The following RIMS1 variants were observed in gnomAD, a reference collection of about 807,000 sequenced individuals.
RIMS1 encodes regulating synaptic membrane exocytosis 1, also known as regulating synaptic membrane exocytosis protein 1.
RIMS1 carries 83 observed loss-of-function variants against 214.1 expected under a neutral mutation model. The ratio of observed to expected loss-of-function variants is 0.39; its 90% CI spans 0.32 to 0.47. The LOEUF (loss-of-function observed/expected upper bound fraction) is 0.47. RIMS1 is among the 20% of genes least tolerant of loss of function. The probability of loss-of-function intolerance (pLI) is 0.99; values close to 1 mark genes in which losing one functional copy is unlikely to be tolerated. For synonymous variants in RIMS1, 793 were observed against 786.8 expected, an observed-to-expected ratio of 1.01 and a Z score of -0.13; for missense variants, 2,050 against 2,161.8, an observed-to-expected ratio of 0.95 and a Z score of 1.03.
At chr6:72,126,121 A>G (rs1170815850) in intron 4 of RIMS1, among the ~76,000 whole-genome samples, 2 of 151,852 alleles carry the variant, frequency 1.3e-5, no homozygotes, top group South Asian at 2.1e-4. Flanking sequence ...CCATCTTGGA[A>G]CTCCTCAGCC....
intron 29 of RIMS1, among the ~76,000 whole-genome samples, chr6:72,360,972 T>G (rs1201564996): frequency 6.7e-6 from 1 of 150,118 alleles, no homozygotes; most frequent in East Asian, 1.9e-4. Flanking sequence ...ACCTTCATAT[T>G]ATTCTCAGGA....
At chr6:72,009,332 G>A (rs1261025647) in intron 2 of RIMS1, among the ~76,000 whole-genome samples, 4 of 152,190 alleles carry the variant, frequency 2.6e-5, no homozygotes, top group Non-Finnish European at 5.9e-5. Context: ...GCAGTGTGTA[G>A]AGGGAAATTT....
Position 72,144,446 on chromosome 6 carries a change from G to A in RIMS1, c.472-35129G>A, listed in dbSNP as rs79608799. On this transcript the variant is annotated intron_variant, in intron 4 of 33. Transcript: ENST00000521978. Reference sequence around the variant, plus strand: ...GTCACTTTGCCCGCTGGGGTCCTCCGTGAAGAGACATGTATCAAGACGTAG... The same window carrying A: ...GTCACTTTGCCCGCTGGGGTCCTCCATGAAGAGACATGTATCAAGACGTAG... Among the ~76,000 whole-genome samples the A allele has an allele frequency of 2.7e-3, 412 of 152,218 alleles. 1 individual carries two copies. Among genetic ancestry groups the A allele is most frequent in the Middle Eastern group, 0.02 (6 of 294 alleles).
intron 1 of RIMS1, among the ~76,000 whole-genome samples, chr6:71,940,458 A>G (rs1213520611): frequency 1.3e-5 from 2 of 152,166 alleles, no homozygotes; most frequent in Admixed American, 6.5e-5. Context: ...TACCAATCTC[A>G]TGGAATGGGT....
At chr6:72,369,447 C>A (rs911830098) in intron 29 of RIMS1, among the ~76,000 whole-genome samples, 1 of 151,958 alleles carries the variant, frequency 6.6e-6, no homozygotes, top group South Asian at 2.1e-4. Flanking sequence ...CAAGAAACTG[C>A]CTTATATGAC....
At chr6:72,302,823 A>T (rs1323767095) in intron 26 of RIMS1, among the ~76,000 whole-genome samples, 2 of 151,402 alleles carry the variant, frequency 1.3e-5, no homozygotes, top group Non-Finnish European at 3.0e-5. Flanking sequence ...TTTTACATTA[A>T]TATATTTAAT....
chr6:72,337,612 T>C lies in RIMS1; in HGVS notation c.4366+3777T>C, dbSNP rs563028456. On this transcript the variant is annotated intron_variant, in intron 29 of 33. Coordinates refer to ENST00000521978, the MANE Select transcript of RIMS1 (RefSeq NM_014989.7). ...TTTATTTATTTTTTAAATTATACTTTAAGTTTTAGGGTACATGTGCACAAT... is the reference window on the plus strand; with the variant it reads ...TTTATTTATTTTTTAAATTATACTTCAAGTTTTAGGGTACATGTGCACAAT... Among the ~76,000 whole-genome samples the C allele has an allele frequency of 7.2e-5, 11 of 152,004 alleles. No individual in the cohort carries two copies. The South Asian group carries it at 1.9e-3, about 26-fold the overall frequency.
At position 72,183,100 on chromosome 6, in the gene RIMS1, C is replaced by T. The variant is rs1227659458; in HGVS notation, c.1629C>T (p.Tyr543=). The T allele has an allele frequency of 1.3e-6, 2 of 1,591,778 alleles. No individual in the cohort carries two copies. Among genetic ancestry groups the T allele is most frequent in the Non-Finnish European group, 1.7e-6 (2 of 1,170,224 alleles). The change falls in exon 6 of 34, where the codon TAC becomes TAT. Residue 543 remains tyrosine, a synonymous_variant. Transcript: ENST00000521978. ...AGGAGGGCGTGTCGACGCCCGAGTA[C>T]ACCAGCTGCGAGGACGTGGAGCTGG... The part of the protein sequence containing the change: ...SEEEGVSTPE[Y]TSCEDVELES...
Position 72,126,781 on chromosome 6 carries a change from A to G in RIMS1, c.471+26795A>G, listed in dbSNP as rs934957254. ...AAAGTTAAAAAAAAAAAAAAAAAAAAAAGATGGTGACCTGGATGTGGTGAA... is the reference window on the plus strand; with the variant it reads ...AAAGTTAAAAAAAAAAAAAAAAAAAGAAGATGGTGACCTGGATGTGGTGAA... On this transcript the variant is annotated intron_variant, in intron 4 of 33. Transcript: ENST00000521978. 15 of 239,934 alleles carry G rather than the reference A, an allele frequency of 6.3e-5. No individual in the cohort carries two copies. In the East Asian group the frequency reaches 1.2e-3, roughly 19 times the overall value. The allele number at this position is 239,934 out of a possible 1,614,324, so 14.9% of individuals were successfully genotyped here.
At chr6:72,237,108 A>T (rs2064464086) in intron 8 of RIMS1, among the ~76,000 whole-genome samples, 1 of 152,016 alleles carries the variant, frequency 6.6e-6, no homozygotes, top group African/African-American at 2.4e-5. Flanking sequence ...TGGGAGCCTG[A>T]GGTGGGAGCA....
chr6:72,071,194 G>A (rs1338985269), intron 2 of RIMS1, among the ~76,000 whole-genome samples: 11 of 152,054 alleles, frequency 7.2e-5, no homozygotes, highest in African/African-American at 1.2e-4. Context: ...CCAGAAGTTC[G>A]AGATCAGCCT....
chr6:71,900,593 T>C (rs988432622), intron 1 of RIMS1, among the ~76,000 whole-genome samples: 2 of 151,902 alleles, frequency 1.3e-5, no homozygotes, highest in African/African-American at 4.8e-5. Flanking sequence ...ATGTTAAAAT[T>C]TGAGAGAGAT....
chr6:72,044,165 G>T (rs1056717929), intron 2 of RIMS1, among the ~76,000 whole-genome samples: 2 of 151,430 alleles, frequency 1.3e-5, no homozygotes, highest in African/African-American at 4.8e-5. Context: ...TGAAACAACT[G>T]GATATCCAGC....
chr6:72,191,062 A>G (rs2463720), intron 6 of RIMS1, among the ~76,000 whole-genome samples: 108,204 of 152,092 alleles, frequency 0.71, 38,841 homozygotes, highest in East Asian at 0.84. Flanking sequence ...AGACACCATT[A>G]GATCTGCTGG....
chr6:72,398,763 G>GA (rs1327994378), intron 32 of RIMS1, among the ~76,000 whole-genome samples, 192 bp from the exon 33 acceptor site: 1 of 152,050 alleles, frequency 6.6e-6, no homozygotes, highest in Non-Finnish European at 1.5e-5. Context: ...TCAAAATGAG[G>GA]AAAATGGCAG....
intron 2 of RIMS1, among the ~76,000 whole-genome samples, chr6:72,021,121 A>T (rs901056537): frequency 6.6e-6 from 1 of 152,198 alleles, no homozygotes; most frequent in Non-Finnish European, 1.5e-5. Flanking sequence ...ATCTTGCCCC[A>T]TATTTCATCA....
At chr6:72,351,577 G>A (rs1391260000) in intron 29 of RIMS1, among the ~76,000 whole-genome samples, 1 of 152,122 alleles carries the variant, frequency 6.6e-6, no homozygotes, top group Non-Finnish European at 1.5e-5. Context: ...GGAAAACACA[G>A]AAGCTGAGAG....
At chr6:72,318,980 A>G (rs939400369) in intron 28 of RIMS1, among the ~76,000 whole-genome samples, 4 of 152,160 alleles carry the variant, frequency 2.6e-5, no homozygotes, top group African/African-American at 9.7e-5. Context: ...ATCATCTACC[A>G]TACTGCCAGA....
chr6:72,297,016 G>A (rs112507492), intron 26 of RIMS1, among the ~76,000 whole-genome samples: 1 of 150,858 alleles, frequency 6.6e-6, no homozygotes. Context: ...TATGTATCTC[G>A]GTATTACAAA....
Sources: gnomAD v4.1 joint callset for allele counts (sites outside exome capture counted in the v4.1 genomes callset) on GRCh38, gnomAD v4.1.1 for gene constraint, MANE v1.5 for transcripts, NCBI Gene and HGNC (gene_info 2026-07-23, HGNC 2026-07-21) for gene names.